The following ARHGEF3 variants were observed in gnomAD, a reference collection of about 807,000 sequenced individuals.
The protein encoded by ARHGEF3 is 59.8 kDA protein.
ARHGEF3 carries 28 observed loss-of-function variants against 63.2 expected under a neutral mutation model. That is an observed-to-expected ratio of 0.44 (90% CI 0.33 to 0.61). The LOEUF (loss-of-function observed/expected upper bound fraction) is 0.61, where lower values mean the gene tolerates loss of function less well. ARHGEF3 is among the 20% of genes least tolerant of loss of function. The pLI is 0.03. For missense variants in ARHGEF3, 533 were observed against 659.3 expected (o/e 0.81, Z 2.10); for synonymous variants, 266 against 254.2 (o/e 1.05, Z -0.44).
intron 1 of ARHGEF3, chr3:57,078,581 AACCCCTTG>A (rs1706321839): frequency 6.6e-6 from 1 of 152,300 alleles, no homozygotes; most frequent in Non-Finnish European, 1.5e-5. Flanking sequence ...CGCTGACCTT[AACCCCTTG>A]GCGTCCTCCA....
rs188009898 is a variant in ARHGEF3, at chr3:56,927,929, T to A, written c.129+30894A>T. ...CTGTGAATCAAAAATGATTATGATG[T>A]CTATTTTATGAATGAGAAAACCTGA... On this transcript the variant is annotated intron_variant, in intron 3 of 12. Coordinates refer to the ARHGEF3 transcript ENST00000338458. Among the ~76,000 whole-genome samples the A allele has an allele frequency of 8.5e-4, 130 of 152,360 alleles. 2 individuals carry two copies. The East Asian group carries it at 0.021, about 25-fold the overall frequency.
chr3:56,977,381 C>T (rs1701166356), intron 2 of ARHGEF3: 1 of 454,308 alleles, frequency 2.2e-6, no homozygotes, highest in South Asian at 1.6e-5. Flanking sequence ...CTCCTGGGAA[C>T]AGGGCCAGCA....
intron 3 of ARHGEF3, among the ~76,000 whole-genome samples, chr3:56,926,632 C>G (rs1043128011): frequency 6.6e-6 from 1 of 152,168 alleles, no homozygotes; most frequent in African/African-American, 2.4e-5. Flanking sequence ...CACAGCCATT[C>G]CCTCCTGTAA....
chr3:56,976,419 AT>A, intron 2 of ARHGEF3, among the ~76,000 whole-genome samples: 1 of 152,306 alleles, frequency 6.6e-6, no homozygotes, highest in East Asian at 1.9e-4. Context: ...ACTAGTTTCT[AT>A]CAAACAGGTA....
chr3:56,895,082 A>C (rs1233579710), intron 3 of ARHGEF3, among the ~76,000 whole-genome samples: 1 of 151,306 alleles, frequency 6.6e-6, no homozygotes, highest in Non-Finnish European at 1.5e-5. Flanking sequence ...GGGGCCCTCT[A>C]CCTCCCTCCC....
In ARHGEF3 at chr3:56,835,818, C is replaced by T. The variant is rs149151683; in HGVS notation, c.192+46474G>A. 4.4e-3 allele frequency among the ~76,000 whole-genome samples: 663 copies of T among 152,296 alleles called. 6 individuals carry two copies. The highest frequency in any genetic ancestry group is 0.015 in the African/African-American group (622 of 41,560). On this transcript the variant is annotated intron_variant, in intron 4 of 12. Transcript: ENST00000338458. ...GCCTGATAAATAAAGGGCCCTGTGG[C>T]TGAGTCACCCATGGTTCACCCCTGA...
chr3:57,044,265 G>C (rs551533706), intron 1 of ARHGEF3, among the ~76,000 whole-genome samples: 1 of 152,344 alleles, frequency 6.6e-6, no homozygotes, highest in East Asian at 1.9e-4. Context: ...TGTGGAATCA[G>C]GACACCCGCG....
chr3:56,977,089 T>C (rs1701153156), intron 2 of ARHGEF3, among the ~76,000 whole-genome samples: 1 of 152,150 alleles, frequency 6.6e-6, no homozygotes, highest in South Asian at 2.1e-4. Flanking sequence ...GAGGAAGCTG[T>C]GGCACTGAGA....
chr3:56,976,984 T>C (rs1701148552), intron 2 of ARHGEF3, among the ~76,000 whole-genome samples: 1 of 152,138 alleles, frequency 6.6e-6, no homozygotes, highest in African/African-American at 2.4e-5. Context: ...TTAGTACTAT[T>C]TTCATACTAC....
At chr3:56,877,619 C>T (rs545112523) in intron 4 of ARHGEF3, among the ~76,000 whole-genome samples, 9 of 152,224 alleles carry the variant, frequency 5.9e-5, no homozygotes, top group African/African-American at 7.2e-5. Context: ...GTGATCCTCT[C>T]GCCTCGGCCT....
At position 57,055,162 on chromosome 3, in the gene ARHGEF3, G is replaced by GTTTT. The variant is rs1560165562; in HGVS notation, c.-27-19987_-27-19986insAAAA. 5.6e-4 allele frequency among the ~76,000 whole-genome samples: 78 copies of GTTTT among 139,792 alleles called. 5 individuals carry two copies. Among genetic ancestry groups the GTTTT allele is most frequent in the Middle Eastern group, 3.9e-3 (1 of 254 alleles). The allele number at this position is 139,792 out of a possible 152,430, so 91.7% of individuals were successfully genotyped here. A position where few individuals can be genotyped will look rare whatever the true frequency, so the allele number is the denominator to read the frequency against. On this transcript the variant is annotated intron_variant, in intron 1 of 12. Transcript: ENST00000338458. ...ATGATTTATAAGCTTTTCTCTTTAT[G>GTTTT]CTTTTTTTTTTTTTTTTGAGACGAA...
At chr3:57,027,992 A>G (rs1703546075) in intron 2 of ARHGEF3, among the ~76,000 whole-genome samples, 1 of 152,088 alleles carries the variant, frequency 6.6e-6, no homozygotes. Flanking sequence ...CCACTATGAG[A>G]TATCATCTCA....
chr3:56,973,532 A>G (rs541027871), intron 2 of ARHGEF3, among the ~76,000 whole-genome samples: 1 of 152,324 alleles, frequency 6.6e-6, no homozygotes, highest in Admixed American at 6.5e-5. Context: ...ATGTGGAATT[A>G]GCTGCTAAAT....
chr3:56,855,287 C>A (rs148459608), intron 4 of ARHGEF3, among the ~76,000 whole-genome samples: 3 of 152,234 alleles, frequency 2.0e-5, no homozygotes, highest in African/African-American at 7.2e-5. Context: ...TTTCTCAAGA[C>A]CACATATCTA....
intron 8 of ARHGEF3, 41 bp from the exon 9 acceptor site, chr3:56,732,465 G>T (rs1210589175): frequency 3.1e-6 from 5 of 1,605,268 alleles, no homozygotes; most frequent in Middle Eastern, 1.7e-4. Context: ...AAGCAATAAT[G>T]TAATGAGTGG....
Position 56,791,382 on chromosome 3 carries a change from G to A in ARHGEF3, c.96+10321C>T, listed in dbSNP as rs188387538. On this transcript the variant is annotated intron_variant, in intron 1 of 9. Coordinates refer to ENST00000296315, the MANE Select transcript of ARHGEF3 (RefSeq NM_019555.3). ...CGCTTGAACCTGAGAGGTTAAGGCT[G>A]CAGTGAGCCATGATTGTGCCACTGC... Among the ~76,000 whole-genome samples, 15 of 152,300 alleles carry A rather than the reference G, an allele frequency of 9.8e-5. No homozygotes were observed. In the East Asian group the frequency reaches 1.7e-3, roughly 18 times the overall value.
chr3:56,919,471 G>A (rs928743185), intron 3 of ARHGEF3, among the ~76,000 whole-genome samples: 7 of 152,028 alleles, frequency 4.6e-5, no homozygotes, highest in South Asian at 4.2e-4. Flanking sequence ...TCCCTGTCAC[G>A]CACATTTTTG....
chr3:56,833,431 C>G (rs2038995341), intron 4 of ARHGEF3, among the ~76,000 whole-genome samples: 1 of 152,048 alleles, frequency 6.6e-6, no homozygotes, highest in African/African-American at 2.4e-5. Context: ...ATATTTATTC[C>G]AGGCATCTAC....
Position 56,781,486 on chromosome 3 carries a change from T to G in ARHGEF3, c.97-7670A>C, listed in dbSNP as rs190794777. 3.9e-3 allele frequency among the ~76,000 whole-genome samples: 597 copies of G among 152,264 alleles called. 2 individuals carry two copies. Among genetic ancestry groups the G allele is most frequent in the African/African-American group, 0.014 (562 of 41,550 alleles). ...GGTCTCAACTCCTGACCTCAGGTGA[T>G]CCACCTGCCTTGGCCTGCCAAAGTG... On this transcript the variant is annotated intron_variant, in intron 1 of 9. Coordinates refer to ENST00000296315, the MANE Select transcript of ARHGEF3 (RefSeq NM_019555.3).
Sources: gnomAD v4.1 joint callset for allele counts (sites outside exome capture counted in the v4.1 genomes callset) on GRCh38, gnomAD v4.1.1 for gene constraint, MANE v1.5 for transcripts, NCBI Gene and HGNC (gene_info 2026-07-23, HGNC 2026-07-21) for gene names.